SDK1: variants seen among roughly 807,000 people sequenced by gnomAD.
The protein encoded by SDK1 is sidekick cell adhesion molecule 1.
In SDK1, 157 loss-of-function variants were observed where a neutral mutation model predicts 245.5. That is an observed-to-expected ratio of 0.64 (90% CI 0.56 to 0.73). The LOEUF is 0.73. Among genes scored for constraint, SDK1 ranks in the 30% least tolerant of loss-of-function variants. SDK1 has a pLI of 0.00. For missense variants in SDK1, 3,583 were observed against 3,002.3 expected, an observed-to-expected ratio of 1.19 and a Z score of -4.52; for synonymous variants, 1,647 against 1,278.5, an observed-to-expected ratio of 1.29 and a Z score of -6.15.
chr7:3,594,636 TG>T (rs1780994428), intron 1 of SDK1, among the ~76,000 whole-genome samples: 1 of 152,212 alleles, frequency 6.6e-6, no homozygotes, highest in South Asian at 2.1e-4. Flanking sequence ...GTCACTTTAC[TG>T]GGTGGTTTGG....
chr7:3,568,329 A>C (rs973515378), intron 1 of SDK1, among the ~76,000 whole-genome samples: 2 of 152,148 alleles, frequency 1.3e-5, no homozygotes, highest in African/African-American at 4.8e-5. Context: ...CTCCAGATGA[A>C]AATAATGTTG....
At chr7:4,196,079 T>A (rs1783560204) in intron 35 of SDK1, among the ~76,000 whole-genome samples, 1 of 152,210 alleles carries the variant, frequency 6.6e-6, no homozygotes, top group Non-Finnish European at 1.5e-5. Flanking sequence ...AGTATCGTTA[T>A]GTCCAAGCCT....
intron 4 of SDK1, among the ~76,000 whole-genome samples, chr7:3,799,598 G>T (rs553145296): frequency 1.3e-5 from 2 of 151,514 alleles, no homozygotes; most frequent in African/African-American, 4.9e-5. Context: ...CCAGCTACTC[G>T]GGAGGCTGAG....
intron 1 of SDK1, among the ~76,000 whole-genome samples, chr7:3,535,220 G>T (rs748694708): frequency 6.6e-6 from 1 of 152,106 alleles, no homozygotes; most frequent in African/African-American, 2.4e-5. Flanking sequence ...AGGTTGGAGT[G>T]AGCCAAGATC....
intron 5 of SDK1, among the ~76,000 whole-genome samples, chr7:3,854,011 T>G (rs1780480712): frequency 6.6e-6 from 1 of 152,166 alleles, no homozygotes; most frequent in South Asian, 2.1e-4. Flanking sequence ...TTTTTGGATT[T>G]CAGAGCATTT....
chr7:3,821,462 G>A lies in SDK1; in HGVS notation c.726G>A (p.Leu242=). The A allele has an allele frequency of 6.2e-7, 1 of 1,613,302 alleles. No homozygotes were observed. The highest frequency in any genetic ancestry group is 1.3e-5 in the African/African-American group (1 of 74,978). ...TTTTCTGAAACAGAGCCATCACATT[G>A]GAGAATCAGCTGGTGATCCTCGCCA... ...IIPSNRIAIT[L]ENQLVILATT... Residue 242 remains leucine (L), a synonymous_variant, in exon 5 of 45, where the codon TTG becomes TTA. Coordinates refer to ENST00000404826, the MANE Select transcript of SDK1 (RefSeq NM_152744.4).
chr7:3,682,311 C>T (rs1583302797), intron 4 of SDK1, among the ~76,000 whole-genome samples: 1 of 152,154 alleles, frequency 6.6e-6, no homozygotes, highest in South Asian at 2.1e-4. Context: ...CGATTCTGTC[C>T]AGTGCTTTTC....
At chr7:3,516,221 G>A (rs1782745884) in intron 1 of SDK1, among the ~76,000 whole-genome samples, 1 of 150,828 alleles carries the variant, frequency 6.6e-6, no homozygotes, top group Non-Finnish European at 1.5e-5. Context: ...ACATATAGAG[G>A]TTATATATTA....
chr7:3,981,198 CTGATCACTGATCT>C (rs1783376506), intron 13 of SDK1, among the ~76,000 whole-genome samples: 1 of 152,170 alleles, frequency 6.6e-6, no homozygotes, highest in South Asian at 2.1e-4. Context: ...ATGGCACTCC[CTGATCACTGATCT>C]TGAATGTTAC....
chr7:4,128,178 G>A lies in SDK1; in HGVS notation c.3939+682G>A, dbSNP rs117067801. On this transcript the variant is annotated intron_variant, in intron 26 of 44. Transcript: ENST00000404826. ...GCCAAGCATCAGAATGAGCTGTTTC[G>A]GACCCGGCCAGCGAGGCCACGCTTG... Among the ~76,000 whole-genome samples the A allele has an allele frequency of 5.3e-5, 8 of 152,218 alleles. 1 individual carries two copies. The South Asian group carries it at 6.2e-4, about 12-fold the overall frequency.
intron 17 of SDK1, among the ~76,000 whole-genome samples, chr7:4,023,134 A>G (rs1787056601): frequency 1.3e-5 from 2 of 151,542 alleles, no homozygotes. Flanking sequence ...TGGTTTGTCC[A>G]CTCCAGTTCT....
chr7:4,161,663 C>A, intron 31 of SDK1, 123 bp from the exon 32 acceptor site: 1 of 747,526 alleles, frequency 1.3e-6, no homozygotes, highest in Non-Finnish European at 2.4e-6. Flanking sequence ...GAGAAGGGGA[C>A]CCCTGGAGAA....
intron 4 of SDK1, among the ~76,000 whole-genome samples, chr7:3,773,240 T>C (rs1217068343): frequency 1.3e-5 from 2 of 152,180 alleles, no homozygotes; most frequent in African/African-American, 4.8e-5. Context: ...CTTCAATCTT[T>C]TTTCTTTCTA....
chr7:3,601,693 A>T (rs905665931), intron 1 of SDK1, among the ~76,000 whole-genome samples: 3 of 151,740 alleles, frequency 2.0e-5, no homozygotes, highest in Non-Finnish European at 2.9e-5. Flanking sequence ...TTTTATTATT[A>T]TACTTTAAGT....
chr7:3,471,687 TGAA>T (rs1486671490), intron 1 of SDK1, among the ~76,000 whole-genome samples: 1 of 152,200 alleles, frequency 6.6e-6, no homozygotes, highest in Non-Finnish European at 1.5e-5. Flanking sequence ...GTTTTCAAGA[TGAA>T]GGACTGATAA....
intron 4 of SDK1, among the ~76,000 whole-genome samples, chr7:3,792,711 T>C (rs904102123): frequency 6.6e-6 from 1 of 151,310 alleles, no homozygotes; most frequent in Non-Finnish European, 1.5e-5. Context: ...CATCCATCCA[T>C]CCATCCATCC....
chr7:4,138,573 C>G (rs2128203379), intron 28 of SDK1, among the ~76,000 whole-genome samples: 1 of 151,974 alleles, frequency 6.6e-6, no homozygotes, highest in East Asian at 1.9e-4. Context: ...ATGGTGAAAC[C>G]CCGTTTCTAC....
At chr7:3,693,264 T>A (rs1784482908) in intron 4 of SDK1, among the ~76,000 whole-genome samples, 1 of 152,218 alleles carries the variant, frequency 6.6e-6, no homozygotes, top group Non-Finnish European at 1.5e-5. Context: ...TGTTTTTCTT[T>A]TACTAATTTC....
At chr7:3,721,467 T>A (rs1271037818) in intron 4 of SDK1, among the ~76,000 whole-genome samples, 1 of 152,188 alleles carries the variant, frequency 6.6e-6, no homozygotes, top group Non-Finnish European at 1.5e-5. Context: ...AAAGACAATA[T>A]GAATGAGAGA....
Sources: gnomAD v4.1 joint callset for allele counts (sites outside exome capture counted in the v4.1 genomes callset) on GRCh38, gnomAD v4.1.1 for gene constraint, MANE v1.5 for transcripts, NCBI Gene and HGNC (gene_info 2026-07-23, HGNC 2026-07-21) for gene names.